Variants in ECE1 observed in about 807,000 individuals in gnomAD.
ECE1 encodes endothelin-converting enzyme 1.
A neutral mutation model predicts 98.6 loss-of-function variants in ECE1; 35 were observed. The ratio of observed to expected loss-of-function variants is 0.35; its 90% confidence interval spans 0.27 to 0.47. ECE1 has a LOEUF of 0.47. Ranked by LOEUF, ECE1 falls within the 20% of genes least tolerant of loss-of-function variation. ECE1 has a pLI of 1.00. For missense variants in ECE1, 814 were observed against 1,025.3 expected (o/e 0.79, Z 2.81); for synonymous variants, 394 against 407.1 (o/e 0.97, Z 0.39).
At chr1:21,255,001 A>G (rs954255708) in intron 8 of ECE1, among the ~76,000 whole-genome samples, 6 of 152,206 alleles carry the variant, frequency 3.9e-5, no homozygotes, top group African/African-American at 1.4e-4. Context: ...CAAAGCACTC[A>G]GCAATGAGAC....
intron 4 of ECE1, among the ~76,000 whole-genome samples, chr1:21,270,097 A>T (rs1371238850): frequency 6.6e-6 from 1 of 152,230 alleles, no homozygotes; most frequent in Non-Finnish European, 1.5e-5. Flanking sequence ...CTGGGAAGCT[A>T]GAGGGCCTGT....
At position 21,219,539 on chromosome 1, in the gene ECE1, TAA is replaced by T; in HGVS notation, c.*414_*415del. The T allele has an allele frequency of 5.2e-6, 1 of 194,094 alleles. No individual in the cohort carries two copies. The highest frequency in any genetic ancestry group is 1.1e-5 in the Non-Finnish European group (1 of 92,826). 12.0% of individuals were successfully genotyped at this position (194,094 alleles called of 1,614,324 possible). A position where few individuals can be genotyped will look rare whatever the true frequency, so the allele number is the denominator to read the frequency against. ...ATAATAAATATACCAATTCTTTCCTTAAAAAAAAAAGTGTTTAAATGTGTTTT... is the reference window on the plus strand; with the variant it reads ...ATAATAAATATACCAATTCTTTCCTTAAAAAAAAGTGTTTAAATGTGTTTT... On this transcript the variant is annotated 3_prime_UTR_variant, in exon 19 of 19. Transcript: ENST00000374893. This position sits in a 1 kb window ranked among gnomAD's most constrained non-coding sequence, Gnocchi z 4.5.
intron 1 of ECE1, among the ~76,000 whole-genome samples, chr1:21,308,397 C>T (rs764687595): frequency 5.8e-4 from 88 of 152,072 alleles, no homozygotes; most frequent in Admixed American, 9.2e-4. Context: ...TCCCCACAAA[C>T]GGCAAAGCAC....
At chr1:21,278,650 T>C (rs975619544) in intron 3 of ECE1, among the ~76,000 whole-genome samples, 1 of 152,198 alleles carries the variant, frequency 6.6e-6, no homozygotes, top group Admixed American at 6.5e-5. Flanking sequence ...GGAAATGAGA[T>C]TGCATCTGAA....
Position 21,340,896 on chromosome 1 carries a change from GA to G in ECE1, c.3+4479del, listed in dbSNP as rs1639385224. On this transcript the variant is annotated intron_variant, in intron 1 of 18. Transcript: ENST00000415912. This position sits in a 1 kb window ranked among gnomAD's most constrained non-coding sequence, Gnocchi z 4.6. The stretch of plus-strand genomic sequence containing the variant: ...CTGAGTGGCTCCCCACTGCCCTAAG[GA>G]TTGAGCCCCAGGTCCTTCATATGAC... Among the ~76,000 whole-genome samples, 1 of 151,408 alleles carries G rather than the reference GA, an allele frequency of 6.6e-6. No homozygotes were observed. The highest frequency in any genetic ancestry group is 1.5e-5 in the Non-Finnish European group (1 of 67,938).
rs754985981 is a variant in ECE1, at chr1:21,236,753, T to C, written c.1481A>G (p.Lys494Arg). ...GTGCCTGGCCAGCCTCACCTTTTCC[T>C]TGGCTGATTTTCGGGTTTCCTCATC... Reference protein sequence around the residue: ...WMDEETRKSAKEKADAIYNMI... With the variant: ...WMDEETRKSAREKADAIYNMI... The change falls in exon 12 of 19, where the codon AAG (lysine) becomes AGG (arginine). Residue 494 changes from lysine to arginine, a missense_variant. Physicochemically the swap from Lys to Arg is conservative, Grantham distance 26. Around this residue, in one of 3 missense-constraint regions of ECE1, gnomAD observed 452 missense variants for 567.3 expected, o/e 0.80. Coordinates refer to ENST00000374893, the MANE Select transcript of ECE1 (RefSeq NM_001397.3). 6.2e-7 allele frequency: 1 copy of C among 1,614,004 alleles called. No individual in the cohort carries two copies. The highest frequency in any genetic ancestry group is 8.5e-7 in the Non-Finnish European group (1 of 1,180,020).
chr1:21,224,145 T>C (rs951399367), intron 17 of ECE1, among the ~76,000 whole-genome samples: 1 of 152,060 alleles, frequency 6.6e-6, no homozygotes, highest in African/African-American at 2.4e-5. Context: ...GAGACCATTT[T>C]CCCCAGCTTT....
In ECE1 at chr1:21,290,234, C is replaced by G. The variant is rs776044404; in HGVS notation, c.52-78G>C. 1.4e-6 allele frequency: 2 copies of G among 1,401,184 alleles called. No individual in the cohort carries two copies. Among genetic ancestry groups the G allele is most frequent in the South Asian group, 1.5e-5 (1 of 64,774 alleles). The allele number at this position is 1,401,184 out of a possible 1,614,324, so 86.8% of individuals were successfully genotyped here. ...CCCGAATGGGGAAGCGGCCCCGACCCTGGCGCCGCCGCCGCCGCGCCCCGC... is the reference window on the plus strand; with the variant it reads ...CCCGAATGGGGAAGCGGCCCCGACCGTGGCGCCGCCGCCGCCGCGCCCCGC... On this transcript the variant is annotated intron_variant, in intron 1 of 18. Transcript: ENST00000374893. The surrounding 1 kb of genome is among the most constrained non-coding windows in gnomAD (Gnocchi z 7.3).
rs192156662 is a variant in ECE1 at position 21,227,506 on chromosome 1, G to A, written c.1782-280C>T. On this transcript the variant is annotated intron_variant, in intron 15 of 18. Transcript: ENST00000374893. ...TGTCCTCTTCAGTCATTGCGAAAGC[G>A]TTAGCAATGGTCGCCATTGACCAGC... 2.0e-4 allele frequency among the ~76,000 whole-genome samples: 31 copies of A among 152,310 alleles called. 1 individual carries two copies. Among genetic ancestry groups the A allele is most frequent in the East Asian group, 3.9e-4 (2 of 5,186 alleles).
intron 1 of ECE1, among the ~76,000 whole-genome samples, chr1:21,326,000 G>A (rs932323437): frequency 5.9e-5 from 9 of 152,138 alleles, no homozygotes; most frequent in Non-Finnish European, 1.5e-5. Context: ...CGGAGCTCCC[G>A]GCTGTGGGAA....
chr1:21,333,337 G>T (rs541792531), intron 1 of ECE1, among the ~76,000 whole-genome samples: 94 of 151,510 alleles, frequency 6.2e-4, no homozygotes, highest in Middle Eastern at 3.4e-3. Context: ...AGAGCCGTGG[G>T]GGGGGCGGGG....
intron 10 of ECE1, among the ~76,000 whole-genome samples, chr1:21,241,421 G>T (rs1317872674): frequency 1.4e-5 from 2 of 142,342 alleles, no homozygotes; most frequent in African/African-American, 2.7e-5. Context: ...AGTGGTTGAG[G>T]TGTTTTTTTT....
At chr1:21,267,327 T>G (rs2098235096) in intron 4 of ECE1, 1 of 152,518 alleles carries the variant, frequency 6.6e-6, no homozygotes, top group Non-Finnish European at 1.5e-5. Context: ...AGAAAGAGGT[T>G]TAATGGACTT....
Position 21,258,736 on chromosome 1 carries a change from TAGAC to T in ECE1, c.715_718del (p.Val239MetfsTer13), listed in dbSNP as rs768241100. ...GGAGTTCTTGGAATCGGCACTGACA[TAGAC>T]AGAGAAGAAGGGTGAGGTGCGGTAG... On this transcript the variant is annotated frameshift_variant, in exon 6 of 19. Coordinates refer to ENST00000374893, the MANE Select transcript of ECE1 (RefSeq NM_001397.3). LOFTEE classifies it high-confidence loss of function. The surrounding 1 kb of genome is among the most constrained non-coding windows in gnomAD (Gnocchi z 4.2). 3.1e-6 allele frequency: 5 copies of T among 1,614,032 alleles called. No homozygotes were observed. The highest frequency in any genetic ancestry group is 1.7e-5 in the Admixed American group (1 of 60,016).
intron 8 of ECE1, 140 bp downstream of exon 8, chr1:21,255,806 TG>T: frequency 1.1e-6 from 1 of 932,542 alleles, no homozygotes; most frequent in Non-Finnish European, 1.6e-6. Context: ...TTTCCATCTG[TG>T]GACTGGGCAT....
chr1:21,304,349 G>A lies in ECE1; in HGVS notation c.4-14193C>T, dbSNP rs1483125438. Among the ~76,000 whole-genome samples the A allele has an allele frequency of 5.4e-5, 7 of 129,544 alleles. No individual in the cohort carries two copies. In the Admixed American group the frequency reaches 5.6e-4, roughly 10 times the overall value. The allele number at this position is 129,544 out of a possible 152,430, so 85.0% of individuals were successfully genotyped here. ...AAAAAAAAAAAAAAAAAAAAGATAC[G>A]CCAATGCTGGGACCACATTCTCCAC... is the stretch of plus-strand genomic sequence containing the variant. On this transcript the variant is annotated intron_variant, in intron 1 of 18. Coordinates refer to the ECE1 transcript ENST00000415912.
chr1:21,237,900 G>A (rs556587608), intron 11 of ECE1, among the ~76,000 whole-genome samples: 6 of 152,344 alleles, frequency 3.9e-5, no homozygotes, highest in African/African-American at 1.4e-4. Context: ...GCAGGCTGCT[G>A]GGAGGATCAC....
chr1:21,223,098 CTGAG>C (rs991848089), intron 17 of ECE1, among the ~76,000 whole-genome samples: 4 of 151,488 alleles, frequency 2.6e-5, no homozygotes, highest in Non-Finnish European at 5.9e-5. Flanking sequence ...CCTCAGCCTC[CTGAG>C]TAACTGGAAC....
intron 7 of ECE1, among the ~76,000 whole-genome samples, chr1:21,256,452 A>G (rs1000167862): frequency 1.3e-5 from 2 of 152,154 alleles, no homozygotes; most frequent in African/African-American, 4.8e-5. Context: ...GCTACTCAGG[A>G]GGCTGAGGCA....
Sources: allele counts gnomAD v4.1 joint callset (sites outside exome capture counted in the v4.1 genomes callset), GRCh38; gene constraint gnomAD v4.1.1; regional missense constraint gnomAD v4.1.1; non-coding constraint Gnocchi (gnomAD v3.1); transcripts MANE v1.5; gene names NCBI Gene and HGNC (gene_info 2026-07-23, HGNC 2026-07-21).